Variants in MID1 observed in about 807,000 individuals in gnomAD.
MID1 encodes E3 ubiquitin-protein ligase Midline-1.
Under a neutral mutation model 40.4 loss-of-function variants are expected in MID1, and 7 were observed. The ratio of observed to expected loss-of-function variants is 0.17; its 90% CI spans 0.10 to 0.33. The LOEUF is 0.33. MID1 is among the 10% of genes least tolerant of loss of function. MID1 has a pLI of 1.00. For synonymous variants in MID1, 229 were observed against 221.2 expected (o/e 1.04, Z -0.31); for missense variants, 367 against 558.5 (o/e 0.66, Z 3.46).
intron 4 of MID1, among the ~76,000 whole-genome samples, chrX:10,491,449 G>A (rs140877876): frequency 0.018 from 2,005 of 110,110 alleles, 45 homozygotes; most frequent in African/African-American, 0.063. Flanking sequence ...GGGTCTTGCC[G>A]TGTTGCCCAG....
chrX:10,565,972 G>A (rs1377810894), intron 2 of MID1, among the ~76,000 whole-genome samples: 5 of 110,505 alleles, frequency 4.5e-5, no homozygotes, highest in African/African-American at 1.6e-4. Context: ...ACCACACCCG[G>A]CTAATTTTTT....
At chrX:10,454,071 G>A (rs1307518027) in intron 9 of MID1, among the ~76,000 whole-genome samples, 4 of 112,452 alleles carry the variant, frequency 3.6e-5, no homozygotes, top group African/African-American at 1.3e-4. Context: ...TCAAAGGGGT[G>A]CAGTTGTGGC....
At chrX:10,770,666 A>G (rs2043759631) in intron 1 of MID1, among the ~76,000 whole-genome samples, 1 of 112,401 alleles carries the variant, frequency 8.9e-6, no homozygotes, top group African/African-American at 3.2e-5. Context: ...CCTTTCATCA[A>G]TCATGTGCCT....
intron 1 of MID1, among the ~76,000 whole-genome samples, chrX:10,768,025 T>C (rs2043742793): frequency 8.9e-6 from 1 of 111,987 alleles, no homozygotes; most frequent in Non-Finnish European, 1.9e-5. Context: ...ACTTTATAAA[T>C]GTACACTAAC....
chrX:10,564,587 C>A (rs1440059499), intron 2 of MID1, among the ~76,000 whole-genome samples: 1 of 111,704 alleles, frequency 9.0e-6, no homozygotes, highest in Non-Finnish European at 1.9e-5. Flanking sequence ...CTCCATGTGA[C>A]AGTAGAACAA....
At chrX:10,741,105 C>T (rs2043520856) in intron 1 of MID1, among the ~76,000 whole-genome samples, 1 of 111,982 alleles carries the variant, frequency 8.9e-6, no homozygotes, top group African/African-American at 3.2e-5. Flanking sequence ...GCTTTGTCAA[C>T]ATCAATTTTG....
intron 1 of MID1, among the ~76,000 whole-genome samples, chrX:10,735,809 C>A (rs1281167041): frequency 9.0e-6 from 1 of 111,618 alleles, no homozygotes; most frequent in Non-Finnish European, 1.9e-5. Context: ...CCCCTCTCAG[C>A]CTCCTGAGTA....
chrX:10,518,093 T>C (rs1480177174), intron 3 of MID1, among the ~76,000 whole-genome samples: 1 of 111,398 alleles, frequency 9.0e-6, no homozygotes, highest in Non-Finnish European at 1.9e-5. Flanking sequence ...AAAATGTACA[T>C]CCCCTCCCAG....
rs2043499407 is a variant in MID1, at chrX:10,738,191, T to A, written c.-187+95363A>T. Among the ~76,000 whole-genome samples, 7 of 112,046 alleles carry A rather than the reference T, an allele frequency of 6.2e-5. No homozygotes were observed. The Admixed American group carries it at 6.6e-4, about 11-fold the overall frequency. ...AGGGCCCTCTTGCACCGTTAATGAA[T>A]TGTAAAAAACATTATGTTTTCCTTC... On this transcript the variant is annotated intron_variant, in intron 1 of 10. Coordinates refer to the MID1 transcript ENST00000380785.
At position 10,445,614 on chromosome X, in the gene MID1, TAGTC is replaced by T. The variant is rs1928002149; in HGVS notation, c.*3750_*3753del. 9.0e-6 allele frequency: 1 copy of T among 111,281 alleles called. No homozygotes were observed. Among genetic ancestry groups the T allele is most frequent in the South Asian group, 3.8e-4 (1 of 2,641 alleles). The allele number at this position is 111,281 out of a possible 1,213,427, so 9.2% of individuals were successfully genotyped here. A position where few individuals can be genotyped will look rare whatever the true frequency, so the allele number is the denominator to read the frequency against. On this transcript the variant is annotated 3_prime_UTR_variant, in exon 10 of 10. Coordinates refer to ENST00000317552, the MANE Select transcript of MID1 (RefSeq NM_000381.4). ...CAGAAAGGAACAGCAATCAAGACAA[TAGTC>T]AGGGCCGAGGGCTTGGCAGTGTGAC... is the stretch of plus-strand genomic sequence containing the variant.
intron 1 of MID1, among the ~76,000 whole-genome samples, chrX:10,705,214 A>G (rs2043222354): frequency 8.9e-6 from 1 of 112,938 alleles, no homozygotes; most frequent in Non-Finnish European, 1.9e-5. Flanking sequence ...GTAGGTGGCT[A>G]TTGGATAAAC....
At chrX:10,533,753 T>C (rs188351064) in intron 2 of MID1, among the ~76,000 whole-genome samples, 1 of 111,879 alleles carries the variant, frequency 8.9e-6, no homozygotes, top group East Asian at 2.8e-4. Flanking sequence ...AATAAATTCC[T>C]GTTTTATTTG....
Position 10,779,294 on chromosome X carries a change from C to T in MID1, c.-187+54260G>A, listed in dbSNP as rs747747131. Among the ~76,000 whole-genome samples the T allele has an allele frequency of 1.1e-4, 12 of 111,949 alleles. No homozygotes were observed. In the East Asian group the frequency reaches 3.4e-3, roughly 31 times the overall value. ...CTCCCAGGCTTGGTGGATTCTCTCA[C>T]CTCAGCTTCCCGAGTAGCTGGGACT... On this transcript the variant is annotated intron_variant, in intron 1 of 10. Coordinates refer to the MID1 transcript ENST00000380785.
intron 5 of MID1, among the ~76,000 whole-genome samples, 187 bp downstream of exon 5, chrX:10,482,293 C>T (rs1170405570): frequency 1.8e-5 from 2 of 111,713 alleles, no homozygotes; most frequent in Non-Finnish European, 3.8e-5. Flanking sequence ...CAGGCTGTTA[C>T]TGAAAGGGCT....
At chrX:10,506,772 A>C (rs898437360) in intron 3 of MID1, among the ~76,000 whole-genome samples, 5 of 111,838 alleles carry the variant, frequency 4.5e-5, no homozygotes, top group African/African-American at 1.3e-4. Flanking sequence ...TTCAGTTCCA[A>C]TGACTTGTGA....
At chrX:10,613,732 T>TATATATATAGAGAGAGAGAGAG (rs1482081086) in intron 1 of MID1, among the ~76,000 whole-genome samples, 1 of 17,467 alleles carries the variant, frequency 5.7e-5, no homozygotes, top group Non-Finnish European at 1.1e-4. Context: ...TATATATATA[T>TATATATATAGAGAGAGAGAGAG]AGAGAGAGAG....
At chrX:10,608,064 C>T (rs934829879) in intron 1 of MID1, among the ~76,000 whole-genome samples, 1 of 112,433 alleles carries the variant, frequency 8.9e-6, no homozygotes, top group Admixed American at 9.4e-5. Context: ...CACCACTACA[C>T]ACCTACCAGA....
intron 7 of MID1, among the ~76,000 whole-genome samples, chrX:10,461,367 C>T (rs1929031368): frequency 9.1e-6 from 1 of 110,379 alleles, no homozygotes; most frequent in Admixed American, 9.8e-5. Context: ...CATCCCTCCT[C>T]CCCAAATTTA....
intron 5 of MID1, among the ~76,000 whole-genome samples, chrX:10,478,165 T>C (rs1331101950): frequency 8.9e-6 from 1 of 112,353 alleles, no homozygotes; most frequent in African/African-American, 3.2e-5. Context: ...TAATTCTAGA[T>C]TCTTCATAAG....
Sources: gnomAD v4.1 joint callset for allele counts (sites outside exome capture counted in the v4.1 genomes callset) on GRCh38, gnomAD v4.1.1 for gene constraint, MANE v1.5 for transcripts, NCBI Gene and HGNC (gene_info 2026-07-23, HGNC 2026-07-21) for gene names.